PKIB: variants seen among roughly 807,000 people sequenced by gnomAD.
PKIB encodes the protein PKI-beta.
In PKIB, 2 loss-of-function variants were observed where a neutral mutation model predicts 4.5. The ratio of observed to expected loss-of-function variants is 0.44; its 90% CI spans 0.18 to 1.39. The LOEUF (loss-of-function observed/expected upper bound fraction) is 1.39. Ranked by LOEUF, PKIB falls within the 40% of genes most tolerant of loss-of-function variation. PKIB has a pLI of 0.27. For synonymous variants in PKIB, 38 were observed against 36.0 expected, an observed-to-expected ratio of 1.06 and a Z score of -0.20; for missense variants, 94 against 92.6, an observed-to-expected ratio of 1.02 and a Z score of -0.06.
chr6:122,538,279 C>G (rs1358525104), intron 2 of PKIB, among the ~76,000 whole-genome samples: 3 of 152,014 alleles, frequency 2.0e-5, no homozygotes, highest in African/African-American at 7.3e-5. Flanking sequence ...ATGGTATTGC[C>G]TAGGTTTTCT....
chr6:122,702,556 G>A lies in PKIB; in HGVS notation c.-8-15231G>A, dbSNP rs866002688. On this transcript the variant is annotated intron_variant, in intron 3 of 4. Transcript: ENST00000368452. ...GTTGGTCTCAAACTCCTGACCTCAG[G>A]TGATCTGCCCACCTTGGCCTCCCAA... 3.9e-5 allele frequency among the ~76,000 whole-genome samples: 6 copies of A among 151,912 alleles called. No homozygotes were observed. The South Asian group carries it at 6.2e-4, about 16-fold the overall frequency.
chr6:122,595,509 GA>G (rs1774151386), intron 3 of PKIB, among the ~76,000 whole-genome samples: 1 of 152,190 alleles, frequency 6.6e-6, no homozygotes, highest in African/African-American at 2.4e-5. Flanking sequence ...AGTCTTGGCA[GA>G]AGCATTGTGT....
At chr6:122,543,350 C>T (rs565003037) in intron 2 of PKIB, among the ~76,000 whole-genome samples, 35 of 151,538 alleles carry the variant, frequency 2.3e-4, no homozygotes, top group African/African-American at 7.5e-4. Flanking sequence ...TGGCCCCACC[C>T]CCTCCTTTTT....
At chr6:122,724,511 C>T (rs11154110) in intron 4 of PKIB, among the ~76,000 whole-genome samples, 24,353 of 152,080 alleles carry the variant, frequency 0.16, 2,365 homozygotes, top group South Asian at 0.34. Flanking sequence ...TTGCACTGGG[C>T]ACCAACAAAT....
intron 2 of PKIB, among the ~76,000 whole-genome samples, chr6:122,511,738 G>A (rs1776593187): frequency 6.6e-6 from 1 of 152,280 alleles, no homozygotes; most frequent in African/African-American, 2.4e-5. Flanking sequence ...AGATGCTCAG[G>A]GCGAAACAGT....
At chr6:122,500,622 A>G (rs771797594) in intron 2 of PKIB, among the ~76,000 whole-genome samples, 2 of 152,234 alleles carry the variant, frequency 1.3e-5, no homozygotes, top group Non-Finnish European at 2.9e-5. Context: ...AATCCTAGAT[A>G]TGGCCAATTC....
At chr6:122,528,546 C>T (rs1777162228) in intron 2 of PKIB, among the ~76,000 whole-genome samples, 1 of 152,092 alleles carries the variant, frequency 6.6e-6, no homozygotes, top group Non-Finnish European at 1.5e-5. Context: ...TTGCTGTATC[C>T]TCACATGATA....
chr6:122,558,377 G>A (rs1234450956), intron 2 of PKIB, among the ~76,000 whole-genome samples: 2 of 152,092 alleles, frequency 1.3e-5, no homozygotes, highest in African/African-American at 4.8e-5. Context: ...AGCTGATTTG[G>A]TTCATGTACC....
intron 2 of PKIB, among the ~76,000 whole-genome samples, chr6:122,492,614 C>G (rs1775968498): frequency 1.3e-5 from 2 of 152,094 alleles, no homozygotes; most frequent in South Asian, 2.1e-4. Flanking sequence ...CTCTCAGTTT[C>G]TAGTTTGACT....
intron 1 of PKIB, among the ~76,000 whole-genome samples, chr6:122,626,381 T>G (rs1369331180): frequency 6.6e-6 from 1 of 152,244 alleles, no homozygotes; most frequent in Admixed American, 6.5e-5. Context: ...TATATTGTCC[T>G]AAGTCCTGCA....
At chr6:122,645,894 G>A (rs1385029560) in intron 2 of PKIB, among the ~76,000 whole-genome samples, 1 of 152,078 alleles carries the variant, frequency 6.6e-6, no homozygotes, top group Non-Finnish European at 1.5e-5. Context: ...AAACTCAAGT[G>A]TGTTAATTAC....
chr6:122,668,319 C>T (rs771527169), intron 2 of PKIB, among the ~76,000 whole-genome samples: 2 of 152,126 alleles, frequency 1.3e-5, no homozygotes, highest in African/African-American at 2.4e-5. Flanking sequence ...ATTGGAAAGA[C>T]CGTGGATAAT....
At chr6:122,673,864 A>G (rs1777560505) in intron 2 of PKIB, among the ~76,000 whole-genome samples, 1 of 152,194 alleles carries the variant, frequency 6.6e-6, no homozygotes, top group South Asian at 2.1e-4. Flanking sequence ...AAGCACAAAG[A>G]CAGATCTATA....
chr6:122,540,564 G>C (rs1327668180), intron 2 of PKIB, among the ~76,000 whole-genome samples: 2 of 151,830 alleles, frequency 1.3e-5, no homozygotes, highest in Middle Eastern at 3.4e-3. Flanking sequence ...TATAATTTCT[G>C]TTCTTTTACA....
At chr6:122,542,873 G>A (rs1300315849) in intron 2 of PKIB, among the ~76,000 whole-genome samples, 1 of 152,094 alleles carries the variant, frequency 6.6e-6, no homozygotes, top group Non-Finnish European at 1.5e-5. Flanking sequence ...CACCCAATTC[G>A]AGCTTCCTGG....
At chr6:122,597,499 C>T (rs1267490278) in intron 3 of PKIB, among the ~76,000 whole-genome samples, 1 of 152,156 alleles carries the variant, frequency 6.6e-6, no homozygotes, top group Admixed American at 6.5e-5. Context: ...TTGGGGTCAC[C>T]ACTTGGTCAA....
intron 3 of PKIB, among the ~76,000 whole-genome samples, chr6:122,689,003 G>A (rs1180388772): frequency 6.6e-6 from 1 of 151,838 alleles, no homozygotes; most frequent in Non-Finnish European, 1.5e-5. Context: ...GGATGGTCTT[G>A]ATCTCCTGAC....
intron 2 of PKIB, among the ~76,000 whole-genome samples, chr6:122,512,451 T>G (rs155467): frequency 0.82 from 124,599 of 152,112 alleles, 51,170 homozygotes; most frequent in South Asian, 0.92. Context: ...TTATTTTTTG[T>G]CTCTCGCAAT....
intron 3 of PKIB, among the ~76,000 whole-genome samples, chr6:122,586,372 A>C (rs1344086963): frequency 6.6e-6 from 1 of 152,132 alleles, no homozygotes; most frequent in Non-Finnish European, 1.5e-5. Context: ...ATTTTCTATA[A>C]TTTATTCCCA....
Sources: gnomAD v4.1 joint callset for allele counts (sites outside exome capture counted in the v4.1 genomes callset) on GRCh38, gnomAD v4.1.1 for gene constraint, MANE v1.5 for transcripts, NCBI Gene and HGNC (gene_info 2026-07-23, HGNC 2026-07-21) for gene names.